The following CUX1 variants were observed in gnomAD, a reference collection of about 807,000 sequenced individuals.
CUX1 encodes protein CASP.
In CUX1, 31 loss-of-function variants were observed where a neutral mutation model predicts 158.8. The ratio of observed to expected loss-of-function variants is 0.20; its 90% CI spans 0.15 to 0.26. CUX1 has a LOEUF of 0.26. CUX1 is among the 10% of genes least tolerant of loss of function. CUX1 has a pLI of 1.00. For synonymous variants in CUX1, 879 were observed against 862.1 expected (o/e 1.02, Z -0.34); for missense variants, 1,589 against 2,014.6 (o/e 0.79, Z 4.04).
rs181422758 is a variant in CUX1 at position 102,213,332 on chromosome 7, A to G, written c.3130+8162A>G. On this transcript the variant is annotated intron_variant, in intron 20 of 23. Coordinates refer to ENST00000292535, the MANE Select transcript of CUX1 (RefSeq NM_181552.4). ...CTTGGAAGTTGCCTGTTCATTGACCAATTCCTTAAAGTGGACACAAAACCT... is the reference window on the plus strand; with the variant it reads ...CTTGGAAGTTGCCTGTTCATTGACCGATTCCTTAAAGTGGACACAAAACCT... Among the ~76,000 whole-genome samples the G allele has an allele frequency of 8.9e-4, 135 of 152,316 alleles. 2 individuals are homozygous for G. In the East Asian group the frequency reaches 0.011, roughly 12 times the overall value.
intron 8 of CUX1, among the ~76,000 whole-genome samples, chr7:102,143,764 C>T (rs1009024347): frequency 1.1e-4 from 16 of 152,210 alleles, no homozygotes; most frequent in African/African-American, 3.9e-4. Flanking sequence ...ACAGGACGGC[C>T]ACTTCTTCTT....
intron 4 of CUX1, among the ~76,000 whole-genome samples, chr7:102,087,919 A>G (rs1828116471): frequency 6.6e-6 from 1 of 152,048 alleles, no homozygotes; most frequent in African/African-American, 2.4e-5. Flanking sequence ...ATCTCCTTTT[A>G]ACATTTATTA....
intron 2 of CUX1, among the ~76,000 whole-genome samples, chr7:101,928,113 C>T (rs1805830404): frequency 6.6e-6 from 1 of 152,286 alleles, no homozygotes; most frequent in South Asian, 2.1e-4. Flanking sequence ...AAAAGGGAAG[C>T]ACTGTCATTA....
chr7:102,228,211 A>C (rs1798558592), intron 21 of CUX1, among the ~76,000 whole-genome samples: 1 of 151,508 alleles, frequency 6.6e-6, no homozygotes, highest in Admixed American at 6.6e-5. Context: ...TCAGCCTCCA[A>C]AATTCTTGGG....
Position 102,044,482 on chromosome 7 carries a change from G to A in CUX1, c.189+16337G>A, listed in dbSNP as rs552556967. 5.3e-5 allele frequency among the ~76,000 whole-genome samples: 8 copies of A among 152,170 alleles called. No individual in the cohort carries two copies. In the South Asian group the frequency reaches 8.3e-4, roughly 16 times the overall value. On this transcript the variant is annotated intron_variant, in intron 3 of 23. Transcript: ENST00000292535. ...CGGGATTACAGGTGTGAGCCACTGCGCCCGGCCACCTTAGCCCATTTTCTA... is the reference window on the plus strand; with the variant it reads ...CGGGATTACAGGTGTGAGCCACTGCACCCGGCCACCTTAGCCCATTTTCTA...
intron 5 of CUX1, 97 bp downstream of exon 5, chr7:102,097,598 CCTT>C (rs1489926161): frequency 7.9e-7 from 1 of 1,269,348 alleles, no homozygotes; most frequent in Non-Finnish European, 1.1e-6. Context: ...GACCAGCTCT[CCTT>C]GTAATATACA....
intron 14 of CUX1, among the ~76,000 whole-genome samples, chr7:102,268,023 C>G (rs924083187): frequency 6.6e-6 from 1 of 152,076 alleles, no homozygotes; most frequent in Non-Finnish European, 1.5e-5. Context: ...CTGTGAGGTG[C>G]CCCCTCTAGG....
intron 21 of CUX1, among the ~76,000 whole-genome samples, chr7:102,233,199 T>G (rs1471896952): frequency 4.8e-5 from 1 of 20,758 alleles, no homozygotes; most frequent in Non-Finnish European, 1.4e-4. Flanking sequence ...TTTTTTTTTT[T>G]TGAGACAACG....
intron 8 of CUX1, among the ~76,000 whole-genome samples, chr7:102,129,243 C>CT (rs1401467511): frequency 7.9e-5 from 12 of 152,230 alleles, no homozygotes; most frequent in Non-Finnish European, 2.9e-5. Context: ...AGGTGTAAAG[C>CT]TTTGTTTCCC....
At chr7:102,115,111 CA>C in intron 7 of CUX1, 95 bp from the exon 8 acceptor site, 1 of 1,094,004 alleles carries the variant, frequency 9.1e-7, no homozygotes, top group Non-Finnish European at 1.4e-6. Flanking sequence ...TCGCTCCTCA[CA>C]GAAATCTTTG....
In CUX1 at chr7:101,869,071, G is replaced by A. The variant is rs932028384; in HGVS notation, c.31-47044G>A. Among the ~76,000 whole-genome samples, 2 of 132,810 alleles carry A rather than the reference G, an allele frequency of 1.5e-5. No homozygotes were observed. Among genetic ancestry groups the A allele is most frequent in the Non-Finnish European group, 3.3e-5 (2 of 61,426 alleles). 87.1% of individuals were successfully genotyped at this position (132,810 alleles called of 152,430 possible). On this transcript the variant is annotated intron_variant, in intron 1 of 23. Transcript: ENST00000292535. The surrounding 1 kb of genome is among the most constrained non-coding windows in gnomAD (Gnocchi z 4.5). ...TGGAGACTTCCTGGCTTCCGAGGGC[G>A]GGCGAGGGGGCAAAGGGCCTGGGGC... is the stretch of plus-strand genomic sequence containing the variant.
chr7:102,150,073 G>C (rs1486852964), intron 8 of CUX1, among the ~76,000 whole-genome samples: 3 of 152,224 alleles, frequency 2.0e-5, no homozygotes, highest in African/African-American at 7.2e-5. Flanking sequence ...GAATTAATCT[G>C]TAGATATTTC....
intron 7 of CUX1, 67 bp from the exon 8 acceptor site, chr7:102,115,140 A>C (rs1831306962): frequency 1.4e-5 from 19 of 1,344,062 alleles, no homozygotes; most frequent in Non-Finnish European, 2.0e-5. Flanking sequence ...TGAAATGGGA[A>C]TAGATTACCT....
chr7:102,039,169 A>G (rs893366533), intron 3 of CUX1, among the ~76,000 whole-genome samples: 21 of 152,208 alleles, frequency 1.4e-4, no homozygotes, highest in African/African-American at 5.1e-4. Flanking sequence ...AGCACTAAAT[A>G]AGTGTTTATT....
intron 2 of CUX1, among the ~76,000 whole-genome samples, chr7:101,972,694 G>A (rs2129196255): frequency 6.6e-6 from 1 of 152,328 alleles, no homozygotes; most frequent in Middle Eastern, 3.4e-3. Context: ...GAGACTCCCT[G>A]TCGGGGAAGG....
chr7:101,861,663 G>A (rs1797472689), intron 1 of CUX1, among the ~76,000 whole-genome samples: 1 of 152,156 alleles, frequency 6.6e-6, no homozygotes, highest in Non-Finnish European at 1.5e-5. Flanking sequence ...CTGATTTGGT[G>A]GTGCTGGTGC....
At chr7:102,158,444 T>G (rs1424334523) in intron 8 of CUX1, 116 bp from the exon 9 acceptor site, 7 of 922,742 alleles carry the variant, frequency 7.6e-6, no homozygotes, top group Non-Finnish European at 1.2e-5. Context: ...TGGACAGCAT[T>G]GACTCACGGG....
chr7:101,839,407 C>T (rs940017845), intron 1 of CUX1, among the ~76,000 whole-genome samples: 1 of 152,034 alleles, frequency 6.6e-6, no homozygotes, highest in Non-Finnish European at 1.5e-5. Flanking sequence ...GTCCTTCTTT[C>T]ACGAAGCACC....
At position 102,178,647 on chromosome 7, in the gene CUX1, G is replaced by C; in HGVS notation, c.1007G>C (p.Ser336Thr). The stretch of plus-strand genomic sequence containing the variant: ...GAGCAGCAGCTGAGCGCCAAAAACA[G>C]CACACTCAAAGTAAGGGGGCTGCGG... ...QLEQQLSAKNSTLKQLEEKLK... is the reference protein window; with the variant it reads ...QLEQQLSAKNTTLKQLEEKLK... The change falls in exon 11 of 24, where the codon AGC becomes ACC. Residue 336 changes from serine to threonine, a missense_variant. By Grantham distance (58) the Ser-to-Thr change is moderately conservative (BLOSUM62 1). Coordinates refer to ENST00000292535, the MANE Select transcript of CUX1 (RefSeq NM_181552.4). 1 of 1,609,008 alleles carries C rather than the reference G, an allele frequency of 6.2e-7. No homozygotes were observed. The highest frequency in any genetic ancestry group is 8.5e-7 in the Non-Finnish European group (1 of 1,177,546).
Sources: gnomAD v4.1 joint callset for allele counts (sites outside exome capture counted in the v4.1 genomes callset) on GRCh38, gnomAD v4.1.1 for gene constraint, Gnocchi (gnomAD v3.1) non-coding constraint, MANE v1.5 for transcripts, NCBI Gene and HGNC (gene_info 2026-07-23, HGNC 2026-07-21) for gene names.